CCNYL1: variants seen among roughly 807,000 people sequenced by gnomAD.
CCNYL1 encodes cyclin Y like 1.
Under a neutral mutation model 44.2 loss-of-function variants are expected in CCNYL1, and 16 were observed. The ratio of observed to expected loss-of-function variants is 0.36; its 90% confidence interval spans 0.25 to 0.55. CCNYL1 has a LOEUF of 0.55. Among genes scored for constraint, CCNYL1 ranks in the 20% least tolerant of loss-of-function variants. The pLI, the probability that CCNYL1 is intolerant of heterozygous loss-of-function variation, is 0.85. For synonymous variants in CCNYL1, 159 were observed against 163.2 expected (o/e 0.97, Z 0.20); for missense variants, 348 against 451.8 (o/e 0.77, Z 2.08).
chr2:207,736,740 A>G (rs1247949915), intron 4 of CCNYL1, among the ~76,000 whole-genome samples: 1 of 152,238 alleles, frequency 6.6e-6, no homozygotes, highest in Non-Finnish European at 1.5e-5. Context: ...ACAGCTTAAA[A>G]AGCAAAAAAT....
At chr2:207,712,778 CTG>C (rs759685843) in intron 1 of CCNYL1, among the ~76,000 whole-genome samples, 13 of 152,098 alleles carry the variant, frequency 8.5e-5, no homozygotes, top group Non-Finnish European at 1.6e-4. Context: ...CGTAAAATGA[CTG>C]TGAAGGGTGT....
chr2:207,752,915 T>TGTA (rs35622723), intron 9 of CCNYL1, among the ~76,000 whole-genome samples: 1 of 58,868 alleles, frequency 1.7e-5, no homozygotes, highest in Non-Finnish European at 6.7e-5. Flanking sequence ...GGCACATGCC[T>TGTA]GTAATCCTAG....
intron 3 of CCNYL1, 69 bp from the exon 4 acceptor site, chr2:207,733,878 C>T: frequency 1.0e-6 from 1 of 965,504 alleles, no homozygotes; most frequent in Non-Finnish European, 1.6e-6. Flanking sequence ...ACATTTTAAC[C>T]AAGGAAAAAC....
chr2:207,726,896 G>A lies in CCNYL1; in HGVS notation c.330+20G>A. ...AACCATGTAAGTAAACAGTTGGAAAGCTAAGAAATTAACAGTTGAATTAAA... is the reference window on the plus strand; with the variant it reads ...AACCATGTAAGTAAACAGTTGGAAAACTAAGAAATTAACAGTTGAATTAAA... On this transcript the variant is annotated intron_variant, in intron 3 of 9. Transcript: ENST00000295414. The A allele has an allele frequency of 6.6e-7, 1 of 1,526,066 alleles. No homozygotes were observed. Among genetic ancestry groups the A allele is most frequent in the Non-Finnish European group, 8.8e-7 (1 of 1,139,954 alleles). 94.5% of individuals were successfully genotyped at this position (1,526,066 alleles called of 1,614,324 possible).
At chr2:207,746,591 G>C (rs1417856309) in intron 7 of CCNYL1, among the ~76,000 whole-genome samples, 1 of 152,212 alleles carries the variant, frequency 6.6e-6, no homozygotes, top group Non-Finnish European at 1.5e-5. Flanking sequence ...GTCTTGCTTT[G>C]GCTGAGTAAG....
intron 4 of CCNYL1, among the ~76,000 whole-genome samples, chr2:207,735,329 G>C (rs939740943): frequency 4.6e-5 from 7 of 152,180 alleles, no homozygotes; most frequent in African/African-American, 1.7e-4. Context: ...ATTCTCATAG[G>C]TTGGGTGAGC....
At chr2:207,720,480 C>T (rs929714467) in intron 1 of CCNYL1, among the ~76,000 whole-genome samples, 3 of 151,560 alleles carry the variant, frequency 2.0e-5, no homozygotes, top group Non-Finnish European at 4.4e-5. Flanking sequence ...GCCATTAGAG[C>T]TCACTGTAAC....
chr2:207,729,250 G>GCC (rs1247562126), intron 3 of CCNYL1, among the ~76,000 whole-genome samples: 26 of 68,202 alleles, frequency 3.8e-4, no homozygotes, highest in African/African-American at 1.2e-3. Context: ...ACTTGTCTCC[G>GCC]CCCCCCCCCG....
At chr2:207,738,341 C>T (rs1020168376) in intron 5 of CCNYL1, among the ~76,000 whole-genome samples, 1 of 152,260 alleles carries the variant, frequency 6.6e-6, no homozygotes, top group African/African-American at 2.4e-5. Flanking sequence ...CTGCCTCGGG[C>T]TCCCGAGTAG....
At chr2:207,744,004 T>C (rs1227875757) in intron 7 of CCNYL1, among the ~76,000 whole-genome samples, 2 of 152,144 alleles carry the variant, frequency 1.3e-5, no homozygotes, top group African/African-American at 4.8e-5. Context: ...TATGAGCTTA[T>C]GTTCTAGTGA....
At chr2:207,733,239 A>G (rs1330764121) in intron 3 of CCNYL1, among the ~76,000 whole-genome samples, 2 of 152,250 alleles carry the variant, frequency 1.3e-5, no homozygotes, top group African/African-American at 4.8e-5. Flanking sequence ...AATAAAATTA[A>G]TAACATTTTG....
chr2:207,755,756 C>T lies in CCNYL1; in HGVS notation c.*2058C>T, dbSNP rs2091927427. The T allele has an allele frequency of 1.3e-5, 2 of 152,144 alleles. No homozygotes were observed. Among genetic ancestry groups the T allele is most frequent in the Admixed American group, 6.5e-5 (1 of 15,280 alleles). 9.4% of individuals were successfully genotyped at this position (152,144 alleles called of 1,614,324 possible). On this transcript the variant is annotated 3_prime_UTR_variant, in exon 10 of 10. Coordinates refer to ENST00000295414, the MANE Select transcript of CCNYL1 (RefSeq NM_001330218.2). ...TAGGAACTCTTCAGGCTTTAAAAGG[C>T]AAGGAGCAAATAATTTTAGGAGACC...
intron 7 of CCNYL1, 125 bp from the exon 8 acceptor site, chr2:207,746,921 GC>G (rs925042532): frequency 2.5e-5 from 17 of 688,144 alleles, no homozygotes; most frequent in Admixed American, 1.1e-4. Flanking sequence ...GGTTCTGTGA[GC>G]CGAGATCGCA....
At chr2:207,719,952 G>T (rs1201282899) in intron 1 of CCNYL1, among the ~76,000 whole-genome samples, 2 of 152,048 alleles carry the variant, frequency 1.3e-5, no homozygotes, top group Non-Finnish European at 2.9e-5. Context: ...CACTTTGGGA[G>T]GCTGAGGTGG....
chr2:207,752,545 A>AT (rs1218856096), intron 9 of CCNYL1, among the ~76,000 whole-genome samples: 89 of 152,102 alleles, frequency 5.9e-4, no homozygotes, highest in Middle Eastern at 3.4e-3. Context: ...AAAAAAAAAA[A>AT]AATAATAATG....
chr2:207,737,515 G>T, intron 5 of CCNYL1, 69 bp downstream of exon 5: 2 of 1,250,832 alleles, frequency 1.6e-6, no homozygotes, highest in East Asian at 2.3e-5. Context: ...TTCAGTATTA[G>T]GTCATAACTA....
chr2:207,716,572 C>T (rs948728453), intron 1 of CCNYL1, among the ~76,000 whole-genome samples: 20 of 152,150 alleles, frequency 1.3e-4, no homozygotes, highest in African/African-American at 4.8e-4. Context: ...TGCCAGGACA[C>T]CCTGCTCTAT....
intron 7 of CCNYL1, among the ~76,000 whole-genome samples, chr2:207,743,634 G>A (rs1010424357): frequency 1.3e-5 from 2 of 152,100 alleles, no homozygotes; most frequent in African/African-American, 4.8e-5. Context: ...AAGACTGTTA[G>A]CATTTTTGAG....
At chr2:207,749,126 G>C (rs1209726362) in intron 8 of CCNYL1, among the ~76,000 whole-genome samples, 1 of 152,226 alleles carries the variant, frequency 6.6e-6, no homozygotes, top group African/African-American at 2.4e-5. Context: ...TTCAGGAGCA[G>C]TGGTGGCAGG....
Sources: gnomAD v4.1 joint callset for allele counts (sites outside exome capture counted in the v4.1 genomes callset) on GRCh38, gnomAD v4.1.1 for gene constraint, MANE v1.5 for transcripts, NCBI Gene and HGNC (gene_info 2026-07-23, HGNC 2026-07-21) for gene names.